FILIP1L: variants seen among roughly 807,000 people sequenced by gnomAD.
FILIP1L encodes the protein filamin A-interacting protein 1-like.
FILIP1L carries 55 observed loss-of-function variants against 96.6 expected under a neutral mutation model. That is an observed-to-expected ratio of 0.57 (90% CI 0.46 to 0.71). The LOEUF is 0.71. Among genes scored for constraint, FILIP1L ranks in the 30% least tolerant of loss-of-function variants. FILIP1L has a pLI of 0.00. For missense variants in FILIP1L, 1,304 were observed against 1,321.2 expected (o/e 0.99, Z 0.20); for synonymous variants, 467 against 473.9 (o/e 0.99, Z 0.19).
At chr3:100,029,243 A>T (rs1249989378) in intron 1 of FILIP1L, among the ~76,000 whole-genome samples, 1 of 151,854 alleles carries the variant, frequency 6.6e-6, no homozygotes, top group Non-Finnish European at 1.5e-5. Context: ...ACATGTATAA[A>T]TAAAATATTA....
chr3:100,020,760 CTTTTT>C (rs34665880), intron 1 of FILIP1L, among the ~76,000 whole-genome samples: 1 of 70,994 alleles, frequency 1.4e-5, no homozygotes, highest in African/African-American at 5.9e-5. Flanking sequence ...GAATAATTAG[CTTTTT>C]TTTTTTTTTT....
intron 4 of FILIP1L, among the ~76,000 whole-genome samples, chr3:99,860,307 G>GC: frequency 6.6e-6 from 1 of 152,192 alleles, no homozygotes; most frequent in Admixed American, 6.5e-5. Context: ...ATCTTACTAG[G>GC]CCCCCCAGAG....
rs1943551782 is a variant in FILIP1L at position 99,849,520 on chromosome 3, A to G, written c.2156T>C (p.Val719Ala). 1.9e-6 allele frequency: 3 copies of G among 1,613,066 alleles called. No individual in the cohort carries two copies. The South Asian group carries it at 3.3e-5, about 18-fold the overall frequency. The change falls in exon 5 of 6, where the codon GTG becomes GCG. Residue 719 changes from valine to alanine, a missense_variant. Transcript: ENST00000477258. The stretch of plus-strand genomic sequence containing the variant: ...ATGAATTTTCTCTTTTAATGCATCC[A>G]CTTCTCTTGAGAGGTGCCCTGACTT... ...EAKSGHLSRE[V>A]DALKEKIHEY... is the part of the protein sequence containing the mutation.
At chr3:99,841,036 C>T (rs1019224773) in intron 5 of FILIP1L, among the ~76,000 whole-genome samples, 1 of 152,228 alleles carries the variant, frequency 6.6e-6, no homozygotes, top group African/African-American at 2.4e-5. Context: ...TCTTTCATCT[C>T]CATAATATCT....
At position 100,021,954 on chromosome 3, in the gene FILIP1L, TGTGTGTGAGAGAGAGA is replaced by T. The variant is rs1185095333; in HGVS notation, c.-10-90940_-10-90925del. On this transcript the variant is annotated intron_variant, in intron 1 of 5. Coordinates refer to ENST00000477258, the MANE Select transcript of FILIP1L (RefSeq NM_001387850.1). The stretch of plus-strand genomic sequence containing the variant: ...GTGTGTGTGTGTGTGTGTGTGTGTG[TGTGTGTGAGAGAGAGA>T]GAGAGAGAGAGAGAGAGAGAGAGAT... Among the ~76,000 whole-genome samples, 38 of 114,420 alleles carry T rather than the reference TGTGTGTGAGAGAGAGA, an allele frequency of 3.3e-4. No homozygotes were observed. The South Asian group carries it at 4.3e-3, about 13-fold the overall frequency. 75.1% of individuals were successfully genotyped at this position (114,420 alleles called of 152,430 possible).
intron 1 of FILIP1L, among the ~76,000 whole-genome samples, chr3:99,991,672 G>T (rs1039546176): frequency 6.6e-6 from 1 of 151,812 alleles, no homozygotes; most frequent in African/African-American, 2.4e-5. Flanking sequence ...TATCCATTGT[G>T]TAGCTCCCAC....
intron 1 of FILIP1L, among the ~76,000 whole-genome samples, chr3:99,951,346 C>A (rs1708170957): frequency 1.3e-5 from 2 of 152,170 alleles, no homozygotes; most frequent in African/African-American, 4.8e-5. Context: ...CAACCTCCCC[C>A]ACTGAACCCT....
At chr3:100,088,083 G>A (rs1452357116) in intron 1 of FILIP1L, among the ~76,000 whole-genome samples, 4 of 151,892 alleles carry the variant, frequency 2.6e-5, no homozygotes, top group Non-Finnish European at 5.9e-5. Context: ...TGCCTGCCTC[G>A]GCCTCCCAAA....
At chr3:100,085,638 G>A (rs189052151) in intron 1 of FILIP1L, among the ~76,000 whole-genome samples, 9 of 152,168 alleles carry the variant, frequency 5.9e-5, no homozygotes, top group East Asian at 1.9e-4. Flanking sequence ...CAGGCTTTCC[G>A]TCTCTCATGA....
chr3:100,037,956 T>TTTC (rs1491209575), intron 1 of FILIP1L, among the ~76,000 whole-genome samples: 2 of 87,814 alleles, frequency 2.3e-5, no homozygotes, highest in Non-Finnish European at 4.6e-5. Context: ...TTTTTTTTTT[T>TTTC]GGGGGGGGAG....
intron 1 of FILIP1L, among the ~76,000 whole-genome samples, chr3:99,949,992 T>C (rs1370269803): frequency 6.6e-6 from 1 of 152,196 alleles, no homozygotes; most frequent in Non-Finnish European, 1.5e-5. Context: ...TTTACTTTCA[T>C]AATCAAAGGT....
intron 4 of FILIP1L, among the ~76,000 whole-genome samples, chr3:99,863,280 G>C (rs1404720209): frequency 6.6e-6 from 1 of 152,174 alleles, no homozygotes; most frequent in East Asian, 1.9e-4. Context: ...GATCTAACAG[G>C]AGGCAGAGTT....
intron 1 of FILIP1L, among the ~76,000 whole-genome samples, chr3:100,055,810 C>T (rs567794004): frequency 9.2e-5 from 14 of 152,204 alleles, no homozygotes; most frequent in Middle Eastern, 3.4e-3. Flanking sequence ...TAATATTGTA[C>T]ACATTCTTTC....
intron 5 of FILIP1L, among the ~76,000 whole-genome samples, chr3:99,842,809 G>C (rs1451803266): frequency 6.6e-6 from 1 of 152,168 alleles, no homozygotes; most frequent in East Asian, 1.9e-4. Context: ...ATGGAATGTT[G>C]ACAGATTTGT....
At chr3:100,059,242 A>T (rs564509294) in intron 1 of FILIP1L, among the ~76,000 whole-genome samples, 19 of 152,362 alleles carry the variant, frequency 1.2e-4, no homozygotes, top group Non-Finnish European at 2.5e-4. Context: ...CCTTTAAAAA[A>T]TACAATGCCT....
At chr3:99,990,600 C>T (rs1052824124) in intron 1 of FILIP1L, among the ~76,000 whole-genome samples, 1 of 152,170 alleles carries the variant, frequency 6.6e-6, no homozygotes, top group Non-Finnish European at 1.5e-5. Context: ...AATACCAATT[C>T]TTGTGCTTCA....
chr3:99,959,096 A>T (rs907002649), intron 1 of FILIP1L, among the ~76,000 whole-genome samples: 6 of 152,070 alleles, frequency 3.9e-5, no homozygotes, highest in South Asian at 2.1e-4. Flanking sequence ...ATGGTAATTT[A>T]AAAAAAATTC....
intron 1 of FILIP1L, among the ~76,000 whole-genome samples, chr3:100,014,895 CTTT>C (rs1233573719): frequency 4.0e-4 from 10 of 24,994 alleles, no homozygotes; most frequent in Admixed American, 1.7e-3. Flanking sequence ...TTCTTTCTTT[CTTT>C]TTTTTTTTTT....
chr3:99,937,977 C>T (rs1289017050), intron 1 of FILIP1L, among the ~76,000 whole-genome samples: 2 of 152,122 alleles, frequency 1.3e-5, no homozygotes, highest in African/African-American at 4.8e-5. Flanking sequence ...TGGAGACTCT[C>T]ATAAGAGATA....
Sources: gnomAD v4.1 joint callset for allele counts (sites outside exome capture counted in the v4.1 genomes callset) on GRCh38, gnomAD v4.1.1 for gene constraint, MANE v1.5 for transcripts, NCBI Gene and HGNC (gene_info 2026-07-23, HGNC 2026-07-21) for gene names.